PEX1: variants seen among roughly 807,000 people sequenced by gnomAD.
PEX1 encodes peroxisomal ATPase PEX1.
Under a neutral mutation model 152.5 loss-of-function variants are expected in PEX1, and 97 were observed. The observed-to-expected ratio is 0.64, with a 90% CI of 0.54 to 0.75. PEX1 has a LOEUF of 0.75. Ranked by LOEUF, PEX1 falls within the 30% of genes least tolerant of loss-of-function variation. The pLI is 0.00. For missense variants in PEX1, 1,357 were observed against 1,516.3 expected, an observed-to-expected ratio of 0.89 and a Z score of 1.74; for synonymous variants, 485 against 531.6, an observed-to-expected ratio of 0.91 and a Z score of 1.21.
Position 92,521,292 on chromosome 7 carries a change from T to A in PEX1, c.273+810A>T, listed in dbSNP as rs373270806. Among the ~76,000 whole-genome samples, 4 of 152,118 alleles carry A rather than the reference T, an allele frequency of 2.6e-5. No individual in the cohort carries two copies. In the East Asian group the frequency reaches 7.8e-4, roughly 30 times the overall value. On this transcript the variant is annotated intron_variant, in intron 2 of 23. Transcript: ENST00000248633. ...CACATTATTCTTACAGTTTAGAAAA[T>A]GTTTAAAGGAATAACTTGATAAACA...
At chr7:92,496,996 TTG>T (rs2116112776) in intron 16 of PEX1, among the ~76,000 whole-genome samples, 1 of 152,308 alleles carries the variant, frequency 6.6e-6, no homozygotes, top group African/African-American at 2.4e-5. Flanking sequence ...TTCTCATGGC[TTG>T]TTGCTTCATT....
At chr7:92,501,081 A>G (rs758625447) in intron 15 of PEX1, among the ~76,000 whole-genome samples, 1 of 150,234 alleles carries the variant, frequency 6.7e-6, no homozygotes, top group African/African-American at 2.5e-5. Context: ...GCTTTCCATT[A>G]TAAGTTTCTT....
At chr7:92,494,453 T>A (rs1562848200) in intron 18 of PEX1, 34 bp downstream of exon 18, 1 of 1,612,196 alleles carries the variant, frequency 6.2e-7, no homozygotes. Context: ...GACATTTTGT[T>A]ATAACATTCT....
At chr7:92,516,433 A>G (rs1385216860) in intron 5 of PEX1, among the ~76,000 whole-genome samples, 1 of 152,174 alleles carries the variant, frequency 6.6e-6, no homozygotes, top group Non-Finnish European at 1.5e-5. Context: ...TCTTGTGGAA[A>G]AAAAAAATAG....
At chr7:92,491,672 T>C (rs1422173281) in intron 20 of PEX1, 170 bp from the exon 21 acceptor site, 6 of 580,614 alleles carry the variant, frequency 1.0e-5, no homozygotes, top group African/African-American at 8.5e-5. Flanking sequence ...AAAATTTAAC[T>C]ATTAAAATTA....
intron 21 of PEX1, 104 bp from the exon 22 acceptor site, chr7:92,490,015 T>C (rs1334467176): frequency 1.6e-5 from 14 of 887,000 alleles, no homozygotes; most frequent in Non-Finnish European, 2.4e-5. Context: ...AATAAAACAT[T>C]AACATAGATA....
At chr7:92,511,548 GA>G (rs759966250) in intron 7 of PEX1, 31 bp downstream of exon 7, 21 of 1,561,524 alleles carry the variant, frequency 1.3e-5, no homozygotes, top group African/African-American at 4.1e-5. Flanking sequence ...TATTTAAATA[GA>G]AAAAAAAGTC....
At chr7:92,504,986 G>T in intron 11 of PEX1, 84 bp from the exon 12 acceptor site, 1 of 962,386 alleles carries the variant, frequency 1.0e-6, no homozygotes, top group Non-Finnish European at 1.7e-6. Context: ...CACTAGAAAA[G>T]CTCGATATTG....
intron 5 of PEX1, among the ~76,000 whole-genome samples, chr7:92,515,203 T>C (rs553378949): frequency 6.6e-6 from 1 of 151,410 alleles, no homozygotes; most frequent in Admixed American, 6.6e-5. Flanking sequence ...TTACTCTCTA[T>C]TAACTTCTAA....
intron 2 of PEX1, among the ~76,000 whole-genome samples, chr7:92,521,443 A>AT (rs998379324): frequency 1.3e-5 from 2 of 152,010 alleles, no homozygotes. Context: ...TTTATTTTTT[A>AT]TTTTTTTTCA....
Position 92,491,342 on chromosome 7 carries a change from A to C in PEX1, c.3368T>G (p.Phe1123Cys). 1 of 1,614,064 alleles carries C rather than the reference A, an allele frequency of 6.2e-7. No individual in the cohort carries two copies. Among genetic ancestry groups the C allele is most frequent in the Non-Finnish European group, 8.5e-7 (1 of 1,179,940 alleles). ...MSEILPDESKFNMYRLYFGSS... is the reference protein window; with the variant it reads ...MSEILPDESKCNMYRLYFGSS... ...TCCAAAGTAGAGCCGGTACATATTGAATTTTGATTCATCTGGAAGGATCTC... is the reference window on the plus strand; with the variant it reads ...TCCAAAGTAGAGCCGGTACATATTGCATTTTGATTCATCTGGAAGGATCTC... Residue 1123 changes from phenylalanine (F) to cysteine (C), a missense_variant, in exon 21 of 24, where the codon TTC becomes TGC. Physicochemically the swap from Phe to Cys is radical, Grantham distance 205. Transcript: ENST00000248633.
In PEX1 at chr7:92,522,199, C is replaced by T. The variant is rs2042369506; in HGVS notation, c.176G>A (p.Ser59Asn). ...ACTAAAATGCCTGCCTTCCACCCAGCTCAAGAATGCAGGCTGGTGACTCCA... is the reference window on the plus strand; with the variant it reads ...ACTAAAATGCCTGCCTTCCACCCAGTTCAAGAATGCAGGCTGGTGACTCCA... ...VVWSHQPAFLSWVEGRHFSDQ... is the reference protein window; with the variant it reads ...VVWSHQPAFLNWVEGRHFSDQ... The change falls in exon 2 of 24, where the codon AGC becomes AAC. Residue 59 changes from serine to asparagine, a missense_variant. Ser to Asn is a conservative substitution (Grantham distance 46, BLOSUM62 1). Transcript: ENST00000248633. The T allele has an allele frequency of 6.2e-7, 1 of 1,613,978 alleles. No homozygotes were observed. Among genetic ancestry groups the T allele is most frequent in the Admixed American group, 1.7e-5 (1 of 60,002 alleles).
At chr7:92,489,153 T>C in intron 23 of PEX1, 140 bp downstream of exon 23, 1 of 778,106 alleles carries the variant, frequency 1.3e-6, no homozygotes, top group Non-Finnish European at 2.1e-6. Flanking sequence ...TTTTAATGCA[T>C]AGCTACGACA....
In PEX1 at chr7:92,487,493, T is replaced by G; in HGVS notation, c.3816A>C (p.Thr1272=). 1 of 1,596,868 alleles carries G rather than the reference T, an allele frequency of 6.3e-7. No individual in the cohort carries two copies. The highest frequency in any genetic ancestry group is 1.3e-5 in the African/African-American group (1 of 74,752). ...NPKRRKNQSG[T]MFRPGQKVTL... ...TTACTTTCTGTCCAGGTCGAAACAT[T>G]GTTCCACTTTGATTTTTTCTCCTCT... Residue 1272 remains threonine (T), a synonymous_variant, in exon 24 of 24, where the codon ACA becomes ACC. Coordinates refer to ENST00000248633, the MANE Select transcript of PEX1 (RefSeq NM_000466.3).
intron 23 of PEX1, 62 bp downstream of exon 23, chr7:92,489,231 A>T: frequency 7.2e-7 from 1 of 1,383,868 alleles, no homozygotes; most frequent in Non-Finnish European, 1.0e-6. Flanking sequence ...TTAAAGGTTT[A>T]AGTGTAATAC....
chr7:92,490,053 A>G (rs1791205634), intron 21 of PEX1, 142 bp from the exon 22 acceptor site: 4 of 721,432 alleles, frequency 5.5e-6, no homozygotes, highest in Non-Finnish European at 9.5e-6. Context: ...ACTGAAATTA[A>G]GCAAGCTGAA....
At position 92,489,285 on chromosome 7, in the gene PEX1, T is replaced by C. The variant is rs1280114992; in HGVS notation, c.3767+8A>G. The C allele has an allele frequency of 6.2e-7, 1 of 1,611,990 alleles. No homozygotes were observed. Among genetic ancestry groups the C allele is most frequent in the Admixed American group, 1.7e-5 (1 of 60,000 alleles). ...AGCTGTACTTCCAAAACAGAATCTG[T>C]TACTTACAGCTCAGCAAAATTCTTC... On this transcript the variant is annotated splice_region_variant and intron_variant, in intron 23 of 23. Coordinates refer to ENST00000248633, the MANE Select transcript of PEX1 (RefSeq NM_000466.3).
intron 11 of PEX1, 37 bp downstream of exon 11, chr7:92,506,210 GA>G: frequency 9.2e-7 from 1 of 1,091,112 alleles, no homozygotes; most frequent in Non-Finnish European, 1.4e-6. Context: ...TCTTTCTAAT[GA>G]AAAAGGGATT....
chr7:92,491,882 G>T (rs1791348580), intron 20 of PEX1, among the ~76,000 whole-genome samples: 1 of 152,074 alleles, frequency 6.6e-6, no homozygotes, highest in Admixed American at 6.5e-5. Context: ...CACCTTTCTG[G>T]TAGTAAAGGG....
Sources: gnomAD v4.1 joint callset for allele counts (sites outside exome capture counted in the v4.1 genomes callset) on GRCh38, gnomAD v4.1.1 for gene constraint, MANE v1.5 for transcripts, NCBI Gene and HGNC (gene_info 2026-07-23, HGNC 2026-07-21) for gene names.